KIAA1217: variants seen among roughly 807,000 people sequenced by gnomAD.
KIAA1217 encodes sickle tail protein homolog.
In KIAA1217, 88 loss-of-function variants were observed where a neutral mutation model predicts 163.9. The observed-to-expected ratio is 0.54, with a 90% CI of 0.45 to 0.64. KIAA1217 has a LOEUF of 0.64. Among genes scored for constraint, KIAA1217 ranks in the 30% least tolerant of loss-of-function variants. KIAA1217 has a pLI of 0.00. For missense variants in KIAA1217, 2,372 were observed against 2,475.0 expected (o/e 0.96, Z 0.88); for synonymous variants, 903 against 923.1 (o/e 0.98, Z 0.39).
intron 1 of KIAA1217, among the ~76,000 whole-genome samples, chr10:23,789,131 A>G (rs1318936864): frequency 6.6e-6 from 1 of 152,224 alleles, no homozygotes; most frequent in Non-Finnish European, 1.5e-5. Context: ...TAAATTAGTA[A>G]GTGAAAAGAG....
chr10:23,788,726 A>G (rs192815214), intron 1 of KIAA1217, among the ~76,000 whole-genome samples: 45 of 152,348 alleles, frequency 3.0e-4, no homozygotes, highest in Admixed American at 2.9e-3. Flanking sequence ...GCTAATCACC[A>G]TGAGCAGCAC....
intron 2 of KIAA1217, among the ~76,000 whole-genome samples, chr10:24,375,886 G>T (rs2052414635): frequency 6.6e-6 from 1 of 152,208 alleles, no homozygotes; most frequent in South Asian, 2.1e-4. Flanking sequence ...AGCTACATTT[G>T]CAGGTTCATT....
At chr10:24,326,433 A>G (rs553596488) in intron 2 of KIAA1217, among the ~76,000 whole-genome samples, 32 of 152,204 alleles carry the variant, frequency 2.1e-4, no homozygotes, top group African/African-American at 7.2e-4. Context: ...CTCATGAAAC[A>G]TAAATATTTG....
chr10:23,824,302 G>A (rs1003605576), intron 1 of KIAA1217, among the ~76,000 whole-genome samples: 5 of 151,200 alleles, frequency 3.3e-5, no homozygotes, highest in African/African-American at 1.2e-4. Flanking sequence ...AATAAAAAGA[G>A]GAGGGACATT....
chr10:24,218,642 C>T (rs2069162817), intron 1 of KIAA1217, among the ~76,000 whole-genome samples: 1 of 152,168 alleles, frequency 6.6e-6, no homozygotes, highest in South Asian at 2.1e-4. Context: ...GTGCCCACCA[C>T]CATGCCCAGC....
intron 1 of KIAA1217, among the ~76,000 whole-genome samples, chr10:23,936,707 T>C (rs1843542756): frequency 1.3e-5 from 2 of 152,282 alleles, no homozygotes; most frequent in Non-Finnish European, 1.5e-5. Context: ...AGCGTGGTCC[T>C]GCAGACACCT....
At chr10:23,751,857 T>C (rs376056306) in intron 1 of KIAA1217, among the ~76,000 whole-genome samples, 38 of 152,338 alleles carry the variant, frequency 2.5e-4, no homozygotes, top group African/African-American at 9.1e-4. Context: ...CTGTTCAGGC[T>C]GAGGATTTTA....
chr10:24,381,639 T>C (rs2053316109), intron 3 of KIAA1217, among the ~76,000 whole-genome samples: 1 of 152,202 alleles, frequency 6.6e-6, no homozygotes, highest in African/African-American at 2.4e-5. Flanking sequence ...ATGGAAAAAC[T>C]GTCTTTCATG....
At chr10:24,313,595 T>A (rs773582088) in intron 2 of KIAA1217, among the ~76,000 whole-genome samples, 35 of 152,296 alleles carry the variant, frequency 2.3e-4, no homozygotes, top group Non-Finnish European at 4.3e-4. Context: ...TCACGCGGGA[T>A]GTCCTTCTGC....
intron 2 of KIAA1217, among the ~76,000 whole-genome samples, chr10:24,284,851 C>T (rs950848620): frequency 2.6e-5 from 4 of 152,172 alleles, no homozygotes; most frequent in African/African-American, 7.2e-5. Context: ...ATTTCCAATC[C>T]GACCAACAGT....
At chr10:24,465,397 A>G (rs937221486) in intron 5 of KIAA1217, among the ~76,000 whole-genome samples, 12 of 152,228 alleles carry the variant, frequency 7.9e-5, no homozygotes, top group Non-Finnish European at 1.5e-4. Flanking sequence ...AAAGCCTGCA[A>G]AGGACTGGAT....
intron 2 of KIAA1217, among the ~76,000 whole-genome samples, chr10:24,026,603 T>C (rs1847948729): frequency 6.6e-6 from 1 of 151,828 alleles, no homozygotes; most frequent in Admixed American, 6.6e-5. Context: ...TCATTCCTGA[T>C]ATTCATAATC....
At chr10:23,911,333 C>A (rs1037467965) in intron 1 of KIAA1217, among the ~76,000 whole-genome samples, 1 of 152,126 alleles carries the variant, frequency 6.6e-6, no homozygotes, top group Admixed American at 6.5e-5. Flanking sequence ...AGGATACCAC[C>A]CAAAACAACC....
chr10:24,013,220 A>G (rs1209683014), intron 2 of KIAA1217, among the ~76,000 whole-genome samples: 1 of 152,122 alleles, frequency 6.6e-6, no homozygotes, highest in Non-Finnish European at 1.5e-5. Flanking sequence ...TAAGCACAAG[A>G]AGGCCAAGAT....
intron 3 of KIAA1217, among the ~76,000 whole-genome samples, chr10:24,391,782 A>C (rs1417019775): frequency 6.6e-6 from 1 of 152,226 alleles, no homozygotes; most frequent in African/African-American, 2.4e-5. Flanking sequence ...CTGGAAAGGT[A>C]ACATATTTCC....
At chr10:24,004,123 GCACA>G (rs1266628586) in intron 1 of KIAA1217, among the ~76,000 whole-genome samples, 4 of 152,060 alleles carry the variant, frequency 2.6e-5, no homozygotes, top group Non-Finnish European at 5.9e-5. Flanking sequence ...GGGATTACAG[GCACA>G]CACCACCACG....
intron 1 of KIAA1217, among the ~76,000 whole-genome samples, chr10:23,711,881 C>T (rs547103902): frequency 4.6e-5 from 7 of 152,208 alleles, no homozygotes; most frequent in South Asian, 2.1e-4. Context: ...GGATGGGAAA[C>T]GAAGCCTGAT....
At chr10:24,327,435 T>A (rs2045064782) in intron 2 of KIAA1217, among the ~76,000 whole-genome samples, 2 of 152,174 alleles carry the variant, frequency 1.3e-5, no homozygotes. Flanking sequence ...TCTCATTGAG[T>A]GCTATGTGCC....
chr10:23,709,298 C>A (rs142431123), intron 1 of KIAA1217, among the ~76,000 whole-genome samples: 3 of 151,952 alleles, frequency 2.0e-5, no homozygotes, highest in Non-Finnish European at 4.4e-5. Context: ...CCGAGGTGGG[C>A]GGATCACTTG....
Sources: allele counts gnomAD v4.1 joint callset (sites outside exome capture counted in the v4.1 genomes callset), GRCh38; gene constraint gnomAD v4.1.1; transcripts MANE v1.5; gene names NCBI Gene and HGNC (gene_info 2026-07-23, HGNC 2026-07-21).